Variants in TSPEAR observed in about 807,000 individuals in gnomAD.
TSPEAR encodes thrombospondin-type laminin G domain and EAR repeat-containing protein.
A neutral mutation model predicts 71.6 loss-of-function variants in TSPEAR; 69 were observed. The observed-to-expected ratio is 0.96, with a 90% CI of 0.79 to 1.18. TSPEAR has a LOEUF of 1.18. Ranked by LOEUF, TSPEAR falls within the 50% of genes most tolerant of loss-of-function variation. TSPEAR has a pLI of 0.00. For missense variants in TSPEAR, 971 were observed against 894.9 expected, an observed-to-expected ratio of 1.09 and a Z score of -1.09; for synonymous variants, 402 against 387.2, an observed-to-expected ratio of 1.04 and a Z score of -0.45.
At chr21:44,569,831 G>A (rs587621580) in intron 1 of TSPEAR, among the ~76,000 whole-genome samples, 1 of 152,092 alleles carries the variant, frequency 6.6e-6, no homozygotes, top group Non-Finnish European at 1.5e-5. Flanking sequence ...GTCCCAGGCT[G>A]ACTCTGGGAG....
chr21:44,548,509 G>A (rs2053341690), intron 2 of TSPEAR, among the ~76,000 whole-genome samples: 2 of 152,206 alleles, frequency 1.3e-5, no homozygotes, highest in African/African-American at 2.4e-5. Flanking sequence ...AGGAAGCCCA[G>A]GACAGTGTGG....
rs1363930069 is a variant in TSPEAR, at chr21:44,533,799, G to T, written c.428C>A (p.Thr143Asn). Residue 143 changes from threonine to asparagine, a missense_variant, in exon 3 of 12, where the codon ACC (threonine) becomes AAC (asparagine). Physicochemically the swap from Thr to Asn is moderately conservative, Grantham distance 65. Coordinates refer to ENST00000323084, the MANE Select transcript of TSPEAR (RefSeq NM_144991.3). ...GGCCGGGCTGCGGAAGGACACTCGG[G>T]TCTGCCAGGCGCCGGCCGTGTCCTC... ...LREDTAGAWQ[T>N]RVSFRSPALV... The T allele has an allele frequency of 1.2e-6, 2 of 1,612,424 alleles. No homozygotes were observed. The highest frequency in any genetic ancestry group is 1.1e-5 in the South Asian group (1 of 91,070).
chr21:44,649,857 G>T (rs1215540356), intron 1 of TSPEAR, among the ~76,000 whole-genome samples: 1 of 152,178 alleles, frequency 6.6e-6, no homozygotes, highest in Non-Finnish European at 1.5e-5. Context: ...GCCCACTGAC[G>T]CACAGAGGAA....
chr21:44,591,819 G>T (rs782516569), intron 1 of TSPEAR: 5 of 1,598,782 alleles, frequency 3.1e-6, no homozygotes, highest in African/African-American at 1.4e-5. Context: ...GCTGGCAGGG[G>T]GAGGAGGTGC....
chr21:44,552,705 T>C (rs1237480834), intron 2 of TSPEAR, among the ~76,000 whole-genome samples: 1 of 152,208 alleles, frequency 6.6e-6, no homozygotes, highest in African/African-American at 2.4e-5. Flanking sequence ...TCACTGGCCA[T>C]GTGCACCGGC....
chr21:44,612,189 T>A lies in TSPEAR; in HGVS notation c.83-44184A>T. ...AGTGACGTGGGCCATGTCAGCCGAG[T>A]CTCCTCCCCCAGCACCTGCACTGGC... On this transcript the variant is annotated intron_variant, in intron 1 of 11. Coordinates refer to ENST00000323084, the MANE Select transcript of TSPEAR (RefSeq NM_144991.3). The surrounding 1 kb of genome is among the most constrained non-coding windows in gnomAD (Gnocchi z 4.1). 4 of 1,613,782 alleles carry A rather than the reference T, an allele frequency of 2.5e-6. No individual in the cohort carries two copies. Among genetic ancestry groups the A allele is most frequent in the Non-Finnish European group, 3.4e-6 (4 of 1,179,968 alleles).
chr21:44,539,247 G>A, intron 2 of TSPEAR: 1 of 1,580,578 alleles, frequency 6.3e-7, no homozygotes, highest in Non-Finnish European at 8.6e-7. Flanking sequence ...ACTGAGCCCA[G>A]CTGGCCCAGG....
At chr21:44,519,030 G>GA (rs797041452) in intron 9 of TSPEAR, 1 of 170,028 alleles carries the variant, frequency 5.9e-6, no homozygotes, top group East Asian at 1.7e-4. Context: ...TGCTTTTGTT[G>GA]TTTTTTTTTT....
chr21:44,676,881 T>C (rs1601555280), intron 1 of TSPEAR: 1 of 892,306 alleles, frequency 1.1e-6, no homozygotes, highest in Non-Finnish European at 1.9e-6. Context: ...CCTTCTGTTC[T>C]GCTAGCTCTC....
intron 2 of TSPEAR, among the ~76,000 whole-genome samples, chr21:44,537,796 T>C (rs1051184782): frequency 2.6e-5 from 4 of 152,174 alleles, no homozygotes; most frequent in Non-Finnish European, 4.4e-5. Flanking sequence ...TCCCCAGCCC[T>C]AAATCCACAA....
chr21:44,675,053 G>A (rs1157423922), intron 1 of TSPEAR, among the ~76,000 whole-genome samples: 21 of 151,958 alleles, frequency 1.4e-4, no homozygotes, highest in African/African-American at 4.6e-4. Flanking sequence ...GAAGAGGAGG[G>A]AACTCTTCTT....
rs587661349 is a variant in TSPEAR, at chr21:44,606,886, G to A, written c.83-38881C>T. Among the ~76,000 whole-genome samples, 53 of 152,214 alleles carry A rather than the reference G, an allele frequency of 3.5e-4. 1 individual carries two copies. The South Asian group carries it at 4.4e-3, about 13-fold the overall frequency. On this transcript the variant is annotated intron_variant, in intron 1 of 11. Coordinates refer to ENST00000323084, the MANE Select transcript of TSPEAR (RefSeq NM_144991.3). ...CTGCCAGAGGAGAGGAATGGGGAAGGGAGATGTTGATCAAAGGAAACAACC... is the reference window on the plus strand; with the variant it reads ...CTGCCAGAGGAGAGGAATGGGGAAGAGAGATGTTGATCAAAGGAAACAACC...
intron 9 of TSPEAR, among the ~76,000 whole-genome samples, chr21:44,514,871 A>C (rs1388741035): frequency 3.9e-5 from 6 of 151,974 alleles, no homozygotes; most frequent in African/African-American, 1.2e-4. Flanking sequence ...CCAGCTCCTC[A>C]CTCATATCTG....
At chr21:44,508,895 G>GC (rs1476318358) in intron 10 of TSPEAR, 2 of 1,472,492 alleles carry the variant, frequency 1.4e-6, no homozygotes, top group Admixed American at 3.6e-5. Context: ...CGGGCATGAA[G>GC]CCCCCTCCTG....
At position 44,558,223 on chromosome 21, in the gene TSPEAR, C is replaced by T. The variant is rs782807699; in HGVS notation, c.303+9562G>A. The T allele has an allele frequency of 8.9e-6, 14 of 1,566,292 alleles. No individual in the cohort carries two copies. The highest frequency in any genetic ancestry group is 2.3e-5 in the East Asian group (1 of 43,240). ...GGCACACAGCAGGTGGACCTGCACA[C>T]GGGGCGGCAGAGGAGGGACACGGAG... is the stretch of plus-strand genomic sequence containing the variant. On this transcript the variant is annotated intron_variant, in intron 2 of 11. Coordinates refer to ENST00000323084, the MANE Select transcript of TSPEAR (RefSeq NM_144991.3).
intron 1 of TSPEAR, among the ~76,000 whole-genome samples, chr21:44,602,732 C>G (rs76934548): frequency 0.84 from 127,306 of 151,872 alleles, 54,833 homozygotes; most frequent in Non-Finnish European, 0.94. Context: ...CAACATCGCA[C>G]ACGCAGCGTC....
intron 1 of TSPEAR, among the ~76,000 whole-genome samples, chr21:44,635,282 G>GT (rs1983480618): frequency 6.9e-6 from 1 of 144,562 alleles, no homozygotes; most frequent in South Asian, 2.2e-4. Context: ...GGAGGTGGAG[G>GT]TTGCAGTGAG....
Position 44,498,251 on chromosome 21 carries a change from T to G in TSPEAR, c.*1532A>C, listed in dbSNP as rs9984167. 6.6e-6 allele frequency: 1 copy of G among 152,196 alleles called. No individual in the cohort carries two copies. Among genetic ancestry groups the G allele is most frequent in the Non-Finnish European group, 1.5e-5 (1 of 68,068 alleles). 9.4% of individuals were successfully genotyped at this position (152,196 alleles called of 1,614,324 possible). On this transcript the variant is annotated 3_prime_UTR_variant, in exon 12 of 12. Coordinates refer to ENST00000323084, the MANE Select transcript of TSPEAR (RefSeq NM_144991.3). ...ACTCAGCTTTCAGCTTTTTTCTTCT[T>G]GGTTGAGTGAATTGGGGTGTCGAGT...
intron 11 of TSPEAR, among the ~76,000 whole-genome samples, chr21:44,504,312 T>TCG (rs2052138826): frequency 1.5e-5 from 1 of 64,860 alleles, no homozygotes; most frequent in Non-Finnish European, 2.9e-5. Context: ...GGTGAGCCCT[T>TCG]AGGGGGAAGC....
Sources: allele counts gnomAD v4.1 joint callset (sites outside exome capture counted in the v4.1 genomes callset), GRCh38; gene constraint gnomAD v4.1.1; non-coding constraint Gnocchi (gnomAD v3.1); transcripts MANE v1.5; gene names NCBI Gene and HGNC (gene_info 2026-07-23, HGNC 2026-07-21).